The following PIKFYVE variants were observed in gnomAD, a reference collection of about 807,000 sequenced individuals.
PIKFYVE encodes the protein 1-phosphatidylinositol 3-phosphate 5-kinase.
A neutral mutation model predicts 257.9 loss-of-function variants in PIKFYVE; 122 were observed. The ratio of observed to expected loss-of-function variants is 0.47; its 90% CI spans 0.41 to 0.55. The LOEUF is 0.55. Ranked by LOEUF, PIKFYVE falls within the 20% of genes least tolerant of loss-of-function variation. The pLI, the probability that PIKFYVE is intolerant of heterozygous loss-of-function variation, is 0.00. For missense variants in PIKFYVE, 2,160 were observed against 2,536.6 expected, an observed-to-expected ratio of 0.85 and a Z score of 3.19; for synonymous variants, 892 against 868.9, an observed-to-expected ratio of 1.03 and a Z score of -0.47.
At chr2:208,298,394 T>C (rs1477240422) in intron 7 of PIKFYVE, among the ~76,000 whole-genome samples, 1 of 152,120 alleles carries the variant, frequency 6.6e-6, no homozygotes, top group Non-Finnish European at 1.5e-5. Flanking sequence ...TTCCAAGTAA[T>C]TTTAGACACA....
chr2:208,291,884 G>A (rs1184717795), intron 7 of PIKFYVE, among the ~76,000 whole-genome samples: 2 of 152,070 alleles, frequency 1.3e-5, no homozygotes, highest in Non-Finnish European at 2.9e-5. Flanking sequence ...TAAGGTGGAA[G>A]CTTAGATGAT....
At position 208,355,360 on chromosome 2, in the gene PIKFYVE, G is replaced by A; in HGVS notation, c.*55G>A. ...GAAGGAAAAGGGGACAGGAACAAAG[G>A]ACCAAAAATAAGCTACATGTTTTAT... On this transcript the variant is annotated 3_prime_UTR_variant, in exon 42 of 42. Transcript: ENST00000264380. 1 of 1,386,610 alleles carries A rather than the reference G, an allele frequency of 7.2e-7. No individual in the cohort carries two copies. The highest frequency in any genetic ancestry group is 2.3e-5 in the East Asian group (1 of 43,692). The allele number at this position is 1,386,610 out of a possible 1,614,324, so 85.9% of individuals were successfully genotyped here.
At chr2:208,350,716 G>A in intron 36 of PIKFYVE, 55 bp from the exon 37 acceptor site, 1 of 1,587,898 alleles carries the variant, frequency 6.3e-7, no homozygotes, top group East Asian at 2.2e-5. Context: ...GAGCGGAGGA[G>A]GAAAGATATT....
chr2:208,324,789 A>G, intron 18 of PIKFYVE, 122 bp from the exon 19 acceptor site: 1 of 1,237,942 alleles, frequency 8.1e-7, no homozygotes, highest in South Asian at 1.3e-5. Context: ...TTCATCATAT[A>G]TTTATTAAAA....
At chr2:208,295,891 G>A in intron 7 of PIKFYVE, among the ~76,000 whole-genome samples, 1 of 152,064 alleles carries the variant, frequency 6.6e-6, no homozygotes, top group East Asian at 1.9e-4. Context: ...ATGTTATTAT[G>A]TTTGCAAAAT....
At chr2:208,277,454 AG>A in intron 4 of PIKFYVE, 82 bp from the exon 5 acceptor site, 1 of 1,474,312 alleles carries the variant, frequency 6.8e-7, no homozygotes, top group Non-Finnish European at 9.5e-7. Context: ...TTTCTGCAAA[AG>A]AAACCTTTGA....
chr2:208,342,791 G>GTT, intron 32 of PIKFYVE, 142 bp downstream of exon 32: 9 of 370,816 alleles, frequency 2.4e-5, no homozygotes, highest in South Asian at 1.0e-4. Context: ...GTGATAGCTT[G>GTT]TTCTTTTTTT....
At position 208,354,144 on chromosome 2, in the gene PIKFYVE, G is replaced by A. The variant is rs150413712; in HGVS notation, c.6091G>A (p.Val2031Ile). 195 of 1,613,406 alleles carry A rather than the reference G, an allele frequency of 1.2e-4. 1 individual carries two copies. Among genetic ancestry groups the A allele is most frequent in the Admixed American group, 2.5e-4 (15 of 60,014 alleles). Residue 2031 changes from valine (V) to isoleucine (I), a missense_variant, in exon 40 of 42, where the codon GTA (valine) becomes ATA (isoleucine). By Grantham distance (29) the Val-to-Ile change is conservative (BLOSUM62 3). This residue lies in a region of PIKFYVE where 699 missense variants were observed against 855.8 expected (regional missense o/e 0.82). Coordinates refer to ENST00000264380, the MANE Select transcript of PIKFYVE (RefSeq NM_015040.4). Reference protein sequence around the residue: ...VGRDDTSNELVVGIIDYIRTF... With the variant: ...VGRDDTSNELIVGIIDYIRTF... ...GCGAGATGATACTAGCAATGAGCTA[G>A]TAGTTGGAATTATAGGTAAGTCAAT...
At chr2:208,349,007 A>AG (rs762200210) in intron 35 of PIKFYVE, among the ~76,000 whole-genome samples, 3 of 152,052 alleles carry the variant, frequency 2.0e-5, no homozygotes, top group East Asian at 3.9e-4. Context: ...TACTGAAAAT[A>AG]AAAAAATTAG....
intron 41 of PIKFYVE, 95 bp from the exon 42 acceptor site, chr2:208,355,095 A>G: frequency 3.2e-6 from 3 of 935,340 alleles, no homozygotes; most frequent in East Asian, 2.5e-5. Context: ...GTGTATCTTT[A>G]TGGCAGTTTA....
chr2:208,266,738 C>G (rs1688683405), intron 1 of PIKFYVE, among the ~76,000 whole-genome samples: 1 of 152,186 alleles, frequency 6.6e-6, no homozygotes, highest in Non-Finnish European at 1.5e-5. Flanking sequence ...GGGAAGAGTA[C>G]AGTTACTTTT....
intron 17 of PIKFYVE, among the ~76,000 whole-genome samples, chr2:208,321,737 C>T (rs1696263818): frequency 6.6e-6 from 1 of 151,796 alleles, no homozygotes; most frequent in African/African-American, 2.4e-5. Context: ...GCCACCATGC[C>T]TGGCTAATTT....
intron 31 of PIKFYVE, 128 bp from the exon 32 acceptor site, chr2:208,342,426 C>A: frequency 1.4e-6 from 1 of 709,378 alleles, no homozygotes; most frequent in Non-Finnish European, 2.4e-6. Flanking sequence ...CCTTCAAAAA[C>A]TTTCTCTTGA....
intron 10 of PIKFYVE, chr2:208,302,577 T>A: frequency 1.9e-6 from 1 of 513,710 alleles, no homozygotes; most frequent in East Asian, 3.7e-5. Flanking sequence ...GATCAGACAA[T>A]AAAAAAGGAA....
At chr2:208,335,137 A>G (rs772061151) in intron 24 of PIKFYVE, among the ~76,000 whole-genome samples, 169 bp from the exon 25 acceptor site, 36 of 152,202 alleles carry the variant, frequency 2.4e-4, no homozygotes, top group Non-Finnish European at 4.6e-4. Flanking sequence ...ATTGGGGAGG[A>G]TATTTATTGT....
chr2:208,325,489 T>C lies in PIKFYVE; in HGVS notation c.2678T>C (p.Ile893Thr), dbSNP rs1696817436. 2 of 1,614,144 alleles carry C rather than the reference T, an allele frequency of 1.2e-6. No homozygotes were observed. The highest frequency in any genetic ancestry group is 1.1e-5 in the South Asian group (1 of 91,078). Reference sequence around the variant, plus strand: ...CAAAACCCTTCATTCCATTCCCTGATTGAGGGACGAGGGCATGAGGGGGCT... The same window carrying C: ...CAAAACCCTTCATTCCATTCCCTGACTGAGGGACGAGGGCATGAGGGGGCT... ...LMQNPSFHSLIEGRGHEGAVQ... is the reference protein window; with the variant it reads ...LMQNPSFHSLTEGRGHEGAVQ... Residue 893 changes from isoleucine to threonine, a missense_variant, in exon 20 of 42, where the codon ATT becomes ACT. Physicochemically the swap from Ile to Thr is moderately conservative, Grantham distance 89 (BLOSUM62 -1). Around this residue, in one of 12 missense-constraint regions of PIKFYVE, gnomAD observed 522 missense variants for 514.6 expected, o/e 1.01. Transcript: ENST00000264380.
At chr2:208,303,238 TACAC>T (rs567935199) in intron 10 of PIKFYVE, among the ~76,000 whole-genome samples, 2 of 150,198 alleles carry the variant, frequency 1.3e-5, no homozygotes, top group Admixed American at 6.7e-5. Flanking sequence ...GTTATATATA[TACAC>T]ACACACACAT....
At chr2:208,341,734 T>C (rs12618837) in intron 31 of PIKFYVE, among the ~76,000 whole-genome samples, 141,524 of 152,072 alleles carry the variant, frequency 0.93, 66,378 homozygotes, top group Non-Finnish European at 0.98. Flanking sequence ...TTCAAGAGTA[T>C]TCCACTCTCA....
chr2:208,324,797 A>G (rs1006585267), intron 18 of PIKFYVE, 114 bp from the exon 19 acceptor site: 59 of 1,314,644 alleles, frequency 4.5e-5, no homozygotes, highest in Non-Finnish European at 6.1e-5. Context: ...ATATTTATTA[A>G]AAAGGAAATT....
Sources: gnomAD v4.1 joint callset for allele counts (sites outside exome capture counted in the v4.1 genomes callset) on GRCh38, gnomAD v4.1.1 for gene constraint, gnomAD v4.1.1 regional missense constraint, MANE v1.5 for transcripts, NCBI Gene and HGNC (gene_info 2026-07-23, HGNC 2026-07-21) for gene names.